The following KCNMA1 variants were observed in gnomAD, a reference collection of about 807,000 sequenced individuals.
KCNMA1 encodes potassium calcium-activated channel subfamily M alpha 1.
In KCNMA1, 29 loss-of-function variants were observed where a neutral mutation model predicts 140.0. That is an observed-to-expected ratio of 0.21 (90% CI 0.15 to 0.28). The LOEUF is 0.28. Among genes scored for constraint, KCNMA1 ranks in the 10% least tolerant of loss-of-function variants. KCNMA1 has a pLI of 1.00. For missense variants in KCNMA1, 880 were observed against 1,602.2 expected, an observed-to-expected ratio of 0.55 and a Z score of 7.70; for synonymous variants, 612 against 611.9, an observed-to-expected ratio of 1.00 and a Z score of 0.00.
At chr10:77,230,193 G>A (rs144677657) in intron 3 of KCNMA1, among the ~76,000 whole-genome samples, 6 of 152,298 alleles carry the variant, frequency 3.9e-5, no homozygotes, top group African/African-American at 1.4e-4. Context: ...CAGACACAAA[G>A]GTCGCAAATA....
chr10:77,523,031 C>T (rs560378236), intron 1 of KCNMA1, among the ~76,000 whole-genome samples: 31 of 152,234 alleles, frequency 2.0e-4, no homozygotes, highest in African/African-American at 7.5e-4. Context: ...TCCTGAATGA[C>T]CCTCCATGCC....
At chr10:77,343,165 G>T (rs533948102) in intron 2 of KCNMA1, among the ~76,000 whole-genome samples, 29 of 152,242 alleles carry the variant, frequency 1.9e-4, no homozygotes, top group Admixed American at 6.5e-4. Context: ...AGACTGAAGG[G>T]GGTCGGGGGG....
intron 2 of KCNMA1, among the ~76,000 whole-genome samples, chr10:77,328,084 G>A (rs1272754298): frequency 1.3e-5 from 2 of 152,130 alleles, no homozygotes; most frequent in African/African-American, 2.4e-5. Flanking sequence ...GGGTTGTCTT[G>A]CACATTTTAA....
In KCNMA1 at chr10:76,974,454, T is replaced by G. The variant is rs1314036950; in HGVS notation, c.2267-4387A>C. On this transcript the variant is annotated intron_variant, in intron 19 of 27. Transcript: ENST00000286628. The stretch of plus-strand genomic sequence containing the variant: ...ATGTTGAGGGCTGCAGGGTAGTTAT[T>G]AAAAATGGGAATGGGTCCCAGTCTT... 3.7e-6 allele frequency: 5 copies of G among 1,341,176 alleles called. No individual in the cohort carries two copies. In the East Asian group the frequency reaches 1.3e-4, roughly 34 times the overall value. 83.1% of individuals were successfully genotyped at this position (1,341,176 alleles called of 1,614,324 possible).
chr10:77,522,264 G>A (rs1357974630), intron 1 of KCNMA1, among the ~76,000 whole-genome samples: 1 of 152,074 alleles, frequency 6.6e-6, no homozygotes, highest in Admixed American at 6.5e-5. Context: ...CCAACACCTT[G>A]GGGCAGAGTA....
chr10:77,493,285 G>A (rs180867265), intron 1 of KCNMA1, among the ~76,000 whole-genome samples: 20 of 152,348 alleles, frequency 1.3e-4, no homozygotes, highest in Admixed American at 1.3e-4. Context: ...ATGGTGCTTC[G>A]AAAGCAGAAG....
chr10:77,437,437 G>A (rs1332925336), intron 1 of KCNMA1, among the ~76,000 whole-genome samples: 1 of 152,286 alleles, frequency 6.6e-6, no homozygotes, highest in South Asian at 2.1e-4. Context: ...TGCTATGGTG[G>A]TGGGATTATG....
intron 2 of KCNMA1, among the ~76,000 whole-genome samples, chr10:77,346,263 A>G (rs2092117413): frequency 6.6e-6 from 1 of 152,192 alleles, no homozygotes; most frequent in Admixed American, 6.5e-5. Context: ...AGAAACAAAA[A>G]CATTTCAACT....
intron 5 of KCNMA1, among the ~76,000 whole-genome samples, chr10:77,163,374 C>T (rs1293449870): frequency 4.6e-5 from 7 of 152,178 alleles, no homozygotes; most frequent in Non-Finnish European, 8.8e-5. Flanking sequence ...GGAGATCATA[C>T]AGCCCCTGAA....
intron 22 of KCNMA1, among the ~76,000 whole-genome samples, chr10:76,946,297 A>T (rs536922577): frequency 5.9e-5 from 9 of 152,228 alleles, no homozygotes; most frequent in Non-Finnish European, 1.3e-4. Context: ...CACCAGCTTC[A>T]TTGGTCCTCT....
intron 25 of KCNMA1, among the ~76,000 whole-genome samples, chr10:76,908,714 T>G (rs1355276187): frequency 1.3e-5 from 2 of 152,250 alleles, no homozygotes; most frequent in Non-Finnish European, 2.9e-5. Flanking sequence ...TTTATGGTTT[T>G]AATGTGTTCA....
At chr10:77,636,043 G>A (rs1341020735) in intron 1 of KCNMA1, 1 of 288,154 alleles carries the variant, frequency 3.5e-6, no homozygotes, top group Non-Finnish European at 5.9e-6. Flanking sequence ...AGGGGTCCTC[G>A]GTTTAACTTT....
At chr10:77,058,994 C>G (rs1391099904) in intron 14 of KCNMA1, among the ~76,000 whole-genome samples, 1 of 151,638 alleles carries the variant, frequency 6.6e-6, no homozygotes, top group Non-Finnish European at 1.5e-5. Context: ...AGAGAGAAGA[C>G]ACAAATAACA....
intron 1 of KCNMA1, among the ~76,000 whole-genome samples, chr10:77,417,416 A>G (rs1007719502): frequency 6.6e-6 from 1 of 152,232 alleles, no homozygotes. Context: ...TGGAAAAGCA[A>G]GAGCTTTCCC....
intron 19 of KCNMA1, among the ~76,000 whole-genome samples, chr10:76,996,489 C>T (rs3781157): frequency 0.34 from 52,088 of 152,064 alleles, 9,145 homozygotes; most frequent in East Asian, 0.56. Flanking sequence ...GTTTTTACTT[C>T]CTGCAATGAA....
At chr10:77,289,587 T>G (rs984112390) in intron 2 of KCNMA1, among the ~76,000 whole-genome samples, 1 of 152,206 alleles carries the variant, frequency 6.6e-6, no homozygotes, top group Non-Finnish European at 1.5e-5. Flanking sequence ...ATGACACAGA[T>G]GACCCATAAA....
intron 13 of KCNMA1, among the ~76,000 whole-genome samples, chr10:77,074,374 TTCAG>T (rs2153714324): frequency 1.3e-5 from 2 of 152,320 alleles, no homozygotes; most frequent in East Asian, 3.9e-4. Flanking sequence ...TGATCCAGTT[TTCAG>T]TCAGATTTAA....
chr10:76,915,215 G>T (rs1442946342), intron 23 of KCNMA1, among the ~76,000 whole-genome samples, 166 bp from the exon 24 acceptor site: 3 of 152,184 alleles, frequency 2.0e-5, no homozygotes, highest in East Asian at 1.9e-4. Context: ...TTCTTTAGAA[G>T]GACAGGGTAG....
At chr10:77,172,675 G>A (rs985838814) in intron 5 of KCNMA1, among the ~76,000 whole-genome samples, 1 of 135,890 alleles carries the variant, frequency 7.4e-6, no homozygotes, top group African/African-American at 2.9e-5. Flanking sequence ...GGTGTATGTT[G>A]CCATTGAATT....
Sources: gnomAD v4.1 joint callset for allele counts (sites outside exome capture counted in the v4.1 genomes callset) on GRCh38, gnomAD v4.1.1 for gene constraint, MANE v1.5 for transcripts, NCBI Gene and HGNC (gene_info 2026-07-23, HGNC 2026-07-21) for gene names.